ERBB4: variants seen among roughly 807,000 people sequenced by gnomAD.
ERBB4 encodes erb-b2 receptor tyrosine kinase 4.
A neutral mutation model predicts 158.0 loss-of-function variants in ERBB4; 42 were observed. The observed-to-expected ratio is 0.27, with a 90% CI of 0.21 to 0.34. The LOEUF (loss-of-function observed/expected upper bound fraction) is 0.34. Among genes scored for constraint, ERBB4 ranks in the 10% least tolerant of loss-of-function variants. The probability of loss-of-function intolerance (pLI) is 1.00; values close to 1 mark genes in which losing one functional copy is unlikely to be tolerated. For synonymous variants in ERBB4, 583 were observed against 558.7 expected (o/e 1.04, Z -0.61); for missense variants, 1,333 against 1,624.1 (o/e 0.82, Z 3.08).
At chr2:212,536,331 A>C (rs1450096621) in intron 1 of ERBB4, among the ~76,000 whole-genome samples, 1 of 151,988 alleles carries the variant, frequency 6.6e-6, no homozygotes, top group African/African-American at 2.4e-5. Flanking sequence ...AGGATGAAAA[A>C]CGAAGTCCCC....
At chr2:212,457,133 T>C (rs1207724490) in intron 1 of ERBB4, among the ~76,000 whole-genome samples, 1 of 152,054 alleles carries the variant, frequency 6.6e-6, no homozygotes, top group Admixed American at 6.6e-5. Flanking sequence ...ACAAAATAAA[T>C]ATTTTTAAAT....
At chr2:212,137,241 A>G (rs1399957519) in intron 1 of ERBB4, among the ~76,000 whole-genome samples, 1 of 152,000 alleles carries the variant, frequency 6.6e-6, no homozygotes, top group East Asian at 1.9e-4. Context: ...AACTTGTGTC[A>G]TGGGGGTTTG....
At chr2:211,700,738 C>T (rs141134632) in intron 12 of ERBB4, among the ~76,000 whole-genome samples, 30 of 152,176 alleles carry the variant, frequency 2.0e-4, no homozygotes, top group South Asian at 8.3e-4. Flanking sequence ...CACGTATACA[C>T]GCACACACAA....
intron 1 of ERBB4, among the ~76,000 whole-genome samples, chr2:212,251,345 T>C (rs1310067650): frequency 2.6e-5 from 4 of 152,032 alleles, no homozygotes; most frequent in African/African-American, 9.7e-5. Flanking sequence ...TCATATTTAA[T>C]ATGCAGCAGG....
At chr2:212,407,593 A>C (rs2091383267) in intron 1 of ERBB4, among the ~76,000 whole-genome samples, 1 of 152,110 alleles carries the variant, frequency 6.6e-6, no homozygotes, top group African/African-American at 2.4e-5. Context: ...TTAAGTAAAT[A>C]AGTAGGCATA....
At chr2:212,133,353 T>C (rs1020174944) in intron 1 of ERBB4, among the ~76,000 whole-genome samples, 2 of 151,692 alleles carry the variant, frequency 1.3e-5, no homozygotes, top group Non-Finnish European at 2.9e-5. Context: ...AAAATAGACA[T>C]CAGGTTCCCA....
At chr2:212,358,433 C>G (rs1009422907) in intron 1 of ERBB4, among the ~76,000 whole-genome samples, 2 of 151,388 alleles carry the variant, frequency 1.3e-5, no homozygotes, top group African/African-American at 4.8e-5. Flanking sequence ...GTACAGTAGA[C>G]AAATAATTTG....
intron 1 of ERBB4, among the ~76,000 whole-genome samples, chr2:212,328,476 A>G (rs915842984): frequency 6.6e-6 from 1 of 152,190 alleles, no homozygotes; most frequent in Admixed American, 6.5e-5. Flanking sequence ...GTTGGGGAAT[A>G]ACAAGGTCAC....
At chr2:211,467,463 T>C (rs2064722189) in intron 20 of ERBB4, among the ~76,000 whole-genome samples, 1 of 151,794 alleles carries the variant, frequency 6.6e-6, no homozygotes, top group Non-Finnish European at 1.5e-5. Context: ...TAATGTATTT[T>C]TGTTTTGTAC....
In ERBB4 at chr2:212,003,212, A is replaced by AGACG. The variant is rs2076173085; in HGVS notation, c.235-55597_235-55596insCGTC. On this transcript the variant is annotated intron_variant, in intron 2 of 27. Transcript: ENST00000342788. ...AAGAAAGAAAGAAAGAAAGACAGAA[A>AGACG]GAAGGAAGGAAGGAAGGAAGGAAGG... 4.0e-3 allele frequency among the ~76,000 whole-genome samples: 161 copies of AGACG among 40,396 alleles called. 7 individuals are homozygous for AGACG. Among genetic ancestry groups the AGACG allele is most frequent in the African/African-American group, 9.7e-3 (151 of 15,574 alleles). 26.5% of individuals were successfully genotyped at this position (40,396 alleles called of 152,430 possible). A position where few individuals can be genotyped will look rare whatever the true frequency, so the allele number is the denominator to read the frequency against.
chr2:212,006,395 T>G (rs1400626450), intron 2 of ERBB4, among the ~76,000 whole-genome samples: 1 of 152,090 alleles, frequency 6.6e-6, no homozygotes, highest in East Asian at 1.9e-4. Flanking sequence ...CACCTCAACG[T>G]TCTTAAATAT....
chr2:211,948,235 G>A (rs556005161), intron 2 of ERBB4, among the ~76,000 whole-genome samples: 1 of 151,964 alleles, frequency 6.6e-6, no homozygotes, highest in African/African-American at 2.4e-5. Context: ...AAGAGATCGA[G>A]ACCATTCTGG....
intron 7 of ERBB4, among the ~76,000 whole-genome samples, chr2:211,716,869 C>T (rs2073935218): frequency 6.6e-6 from 1 of 151,006 alleles, no homozygotes; most frequent in South Asian, 2.1e-4. Flanking sequence ...GTTTGAGATA[C>T]ACAAACTAAT....
chr2:211,424,260 A>G lies in ERBB4; in HGVS notation c.2761T>C (p.Tyr921His). 1 of 1,613,266 alleles carries G rather than the reference A, an allele frequency of 6.2e-7. No homozygotes were observed. Among genetic ancestry groups the G allele is most frequent in the Non-Finnish European group, 8.5e-7 (1 of 1,179,468 alleles). The change falls in exon 23 of 28, where the codon TAT becomes CAT. Residue 921 changes from tyrosine (Y) to histidine (H), a missense_variant. Tyr to His is a moderately conservative substitution (Grantham distance 83). Around this residue, in one of 5 missense-constraint regions of ERBB4, gnomAD observed 314 missense variants for 437.6 expected, o/e 0.72. Transcript: ENST00000342788. ...WELMTFGGKP[Y>H]DGIPTREIPD... ...ATTTCTCGCGTTGGAATTCCATCAT[A>G]GGGTTTTCCTCCAAAGGTCATCAGT...
At chr2:211,821,088 G>A (rs1359802550) in intron 3 of ERBB4, among the ~76,000 whole-genome samples, 4 of 151,722 alleles carry the variant, frequency 2.6e-5, no homozygotes, top group African/African-American at 7.3e-5. Flanking sequence ...CATCCAAACT[G>A]GAAAAGAGGA....
chr2:212,411,635 C>T (rs931918660), intron 1 of ERBB4, among the ~76,000 whole-genome samples: 1 of 151,884 alleles, frequency 6.6e-6, no homozygotes, highest in African/African-American at 2.4e-5. Context: ...GTGAGGATCT[C>T]GTGTTGGAGC....
At chr2:212,015,041 AATATATATATATATATATATATATAT>A (rs58361195) in intron 2 of ERBB4, among the ~76,000 whole-genome samples, 2 of 9,202 alleles carry the variant, frequency 2.2e-4, no homozygotes, top group African/African-American at 4.4e-4. Flanking sequence ...AAAAAAAAAA[AATATATATATATATATATATATATAT>A]ATATATATAT....
intron 1 of ERBB4, among the ~76,000 whole-genome samples, chr2:212,249,723 T>C (rs528240547): frequency 6.6e-6 from 1 of 152,150 alleles, no homozygotes; most frequent in Non-Finnish European, 1.5e-5. Flanking sequence ...AATTCTAGGA[T>C]TTCTCATTTA....
intron 1 of ERBB4, among the ~76,000 whole-genome samples, chr2:212,191,518 ATGTTATACCTGTTATATATAACACATG>A (rs1191274546): frequency 1.2e-3 from 176 of 151,870 alleles, no homozygotes; most frequent in African/African-American, 3.7e-3. Flanking sequence ...CGTGTTATAC[ATGTTATACCTGTTATATATAACACATG>A]TGTTATGCCT....
Sources: allele counts gnomAD v4.1 joint callset (sites outside exome capture counted in the v4.1 genomes callset), GRCh38; gene constraint gnomAD v4.1.1; regional missense constraint gnomAD v4.1.1; transcripts MANE v1.5; gene names NCBI Gene and HGNC (gene_info 2026-07-23, HGNC 2026-07-21).